ZNF283: variants seen among roughly 807,000 people sequenced by gnomAD.
The protein encoded by ZNF283 is zinc finger protein 41.
In ZNF283, 10 loss-of-function variants were observed where a neutral mutation model predicts 9.2. That is an observed-to-expected ratio of 1.09 (90% confidence interval 0.67 to 1.85). The LOEUF is 1.85. Among genes scored for constraint, ZNF283 ranks in the 40% most tolerant of loss-of-function variants. The pLI is 0.00. For missense variants in ZNF283, 631 were observed against 760.1 expected, an observed-to-expected ratio of 0.83 and a Z score of 2.00; for synonymous variants, 234 against 244.1, an observed-to-expected ratio of 0.96 and a Z score of 0.38.
intron 5 of ZNF283, among the ~76,000 whole-genome samples, 165 bp downstream of exon 5, chr19:43,835,757 C>T (rs2146545972): frequency 6.6e-6 from 1 of 152,172 alleles, no homozygotes; most frequent in South Asian, 2.1e-4. Flanking sequence ...TGTGAAGCTG[C>T]ATGTGTTGGG....
chr19:43,844,064 G>A (rs1016522249), intron 6 of ZNF283, among the ~76,000 whole-genome samples: 2 of 152,046 alleles, frequency 1.3e-5, no homozygotes, highest in African/African-American at 4.8e-5. Context: ...CCATTTAAAA[G>A]ATTTGAAAAA....
chr19:43,840,880 T>C (rs992665169), intron 6 of ZNF283: 1 of 152,288 alleles, frequency 6.6e-6, no homozygotes, highest in African/African-American at 2.4e-5. Flanking sequence ...TTTTTTTATT[T>C]TTTAGTAGAG....
chr19:43,838,709 G>T (rs559808317), intron 6 of ZNF283, among the ~76,000 whole-genome samples: 1 of 151,864 alleles, frequency 6.6e-6, no homozygotes, highest in Non-Finnish European at 1.5e-5. Flanking sequence ...GCTATATTCT[G>T]TTTTTTTTCT....
intron 5 of ZNF283, among the ~76,000 whole-genome samples, chr19:43,836,024 A>C (rs1970964842): frequency 6.6e-6 from 1 of 152,218 alleles, no homozygotes; most frequent in Non-Finnish European, 1.5e-5. Flanking sequence ...GTGAAGTACT[A>C]AGCGAGGGGT....
chr19:43,844,263 A>G (rs1032219218), intron 6 of ZNF283, among the ~76,000 whole-genome samples: 3 of 132,632 alleles, frequency 2.3e-5, no homozygotes, highest in African/African-American at 8.6e-5. Context: ...TGGGTCCTCA[A>G]TGATTTTTCT....
At chr19:43,835,437 C>G in intron 4 of ZNF283, 68 bp from the exon 5 acceptor site, 1 of 997,144 alleles carries the variant, frequency 1.0e-6, no homozygotes, top group Non-Finnish European at 1.6e-6. Context: ...ATAAGATCTT[C>G]TATTAGTGTA....
chr19:43,835,393 C>T lies in ZNF283; in HGVS notation c.123-112C>T, dbSNP rs188523164. 623 of 710,928 alleles carry T rather than the reference C, an allele frequency of 8.8e-4. No individual in the cohort carries two copies. The African/African-American group carries it at 0.01, about 11-fold the overall frequency. The allele number at this position is 710,928 out of a possible 1,614,324, so 44.0% of individuals were successfully genotyped here. ...GAAAGTTTGAATTCCATAAATGGTG[C>T]GTGGGGTGTGTAGCAGAAGCAGGCA... On this transcript the variant is annotated intron_variant, in intron 4 of 6. Transcript: ENST00000618787.
Position 43,848,197 on chromosome 19 carries a change from A to G in ZNF283, c.1596A>G (p.Gln532=), listed in dbSNP as rs755392483. The change falls in exon 7 of 7, where the codon CAA becomes CAG. Residue 532 remains glutamine (Q), a synonymous_variant. Coordinates refer to ENST00000618787, the MANE Select transcript of ZNF283 (RefSeq NM_181845.2). ...KAFNCGSSLV[Q]HERIHTGEKP... ...TTAATTGTGGATCAAGCCTTGTTCA[A>G]CATGAAAGAATCCATACAGGGGAGA... 11 of 1,613,716 alleles carry G rather than the reference A, an allele frequency of 6.8e-6. No individual in the cohort carries two copies. Among genetic ancestry groups the G allele is most frequent in the South Asian group, 3.3e-5 (3 of 91,064 alleles).
intron 3 of ZNF283, among the ~76,000 whole-genome samples, chr19:43,833,195 C>G (rs749574319): frequency 4.6e-5 from 7 of 152,182 alleles, no homozygotes; most frequent in Non-Finnish European, 7.4e-5. Context: ...AGCTCAAATT[C>G]ACATCCTAAA....
In ZNF283 at chr19:43,847,928, G is replaced by A; in HGVS notation, c.1327G>A (p.Gly443Ser). The change falls in exon 7 of 7, where the codon GGC (glycine) becomes AGC (serine). Residue 443 changes from glycine to serine, a missense_variant. Gly to Ser is a moderately conservative substitution (Grantham distance 56). Coordinates refer to ENST00000618787, the MANE Select transcript of ZNF283 (RefSeq NM_181845.2). Reference protein sequence around the residue: ...CKECGKAFSRGYHLSQHQKIH... With the variant: ...CKECGKAFSRSYHLSQHQKIH... ...AGAATGTGGAAAGGCCTTTAGTCGTGGCTATCACCTTTCTCAACATCAGAA... is the reference window on the plus strand; with the variant it reads ...AGAATGTGGAAAGGCCTTTAGTCGTAGCTATCACCTTTCTCAACATCAGAA... 1 of 1,613,622 alleles carries A rather than the reference G, an allele frequency of 6.2e-7. No homozygotes were observed. Among genetic ancestry groups the A allele is most frequent in the Non-Finnish European group, 8.5e-7 (1 of 1,179,862 alleles).
At chr19:43,841,018 TC>T (rs2146564150) in intron 6 of ZNF283, 2 of 152,260 alleles carry the variant, frequency 1.3e-5, no homozygotes, top group African/African-American at 4.8e-5. Context: ...AATCTGTCTT[TC>T]CAGCTCAATT....
chr19:43,848,772 T>C lies in ZNF283; in HGVS notation c.*131T>C, dbSNP rs939899448. The C allele has an allele frequency of 2.4e-5, 21 of 867,124 alleles. No homozygotes were observed. The highest frequency in any genetic ancestry group is 3.3e-5 in the Non-Finnish European group (20 of 600,956). 53.7% of individuals were successfully genotyped at this position (867,124 alleles called of 1,614,324 possible). ...ATTCATTTCTGTTTATGGGCAATTA[T>C]CTTGCTATCCAGCAATTCATACTAG... On this transcript the variant is annotated 3_prime_UTR_variant, in exon 7 of 7. Transcript: ENST00000618787.
intron 6 of ZNF283, among the ~76,000 whole-genome samples, chr19:43,843,597 T>C (rs4511643): frequency 0.4 from 61,551 of 152,072 alleles, 12,878 homozygotes; most frequent in South Asian, 0.55. Flanking sequence ...TAAGATTTTT[T>C]ATGAGATGGG....
chr19:43,837,311 T>C (rs1971023940), intron 6 of ZNF283, 132 bp downstream of exon 6: 2 of 929,542 alleles, frequency 2.2e-6, no homozygotes, highest in Non-Finnish European at 3.1e-6. Flanking sequence ...CATGCTTTTA[T>C]ACTTGCTGGG....
Position 43,848,634 on chromosome 19 carries a change from C to T in ZNF283, c.2033C>T (p.Thr678Ile), listed in dbSNP as rs750923159. The part of the protein sequence containing the change: ...YSNEKIDTDE[T>I]L ...AATGAGAAAATTGATACTGATGAAA[C>T]CTTATGATTGAAAGTTGTAAAAGAA... The change falls in exon 7 of 7, where the codon ACC (threonine) becomes ATC (isoleucine). Residue 678 changes from threonine (T) to isoleucine (I), a missense_variant. Physicochemically the swap from Thr to Ile is moderately conservative, Grantham distance 89 (BLOSUM62 -1). This residue lies in a region of ZNF283 where 444 missense variants were observed against 522.5 expected (regional missense o/e 0.85). Transcript: ENST00000618787. The T allele has an allele frequency of 1.3e-6, 2 of 1,544,892 alleles. No homozygotes were observed. The highest frequency in any genetic ancestry group is 1.3e-5 in the South Asian group (1 of 78,346).
intron 2 of ZNF283, among the ~76,000 whole-genome samples, chr19:43,828,535 G>A (rs1970568564): frequency 6.6e-6 from 1 of 151,170 alleles, no homozygotes; most frequent in Non-Finnish European, 1.5e-5. Flanking sequence ...GTTATAGAAA[G>A]GCACCTCTTG....
intron 4 of ZNF283, 54 bp from the exon 5 acceptor site, chr19:43,835,451 C>T: frequency 8.6e-7 from 1 of 1,158,754 alleles, no homozygotes; most frequent in Non-Finnish European, 1.3e-6. Context: ...TAGTGTAAGT[C>T]AGGATGGGAT....
intron 4 of ZNF283, among the ~76,000 whole-genome samples, 181 bp from the exon 5 acceptor site, chr19:43,835,324 A>G (rs1256747364): frequency 3.9e-5 from 6 of 152,182 alleles, no homozygotes; most frequent in Non-Finnish European, 7.4e-5. Context: ...TCAGAACCAG[A>G]CACTGCCAGA....
chr19:43,843,210 A>G (rs986021910), intron 6 of ZNF283, among the ~76,000 whole-genome samples: 4 of 152,124 alleles, frequency 2.6e-5, no homozygotes, highest in Non-Finnish European at 5.9e-5. Flanking sequence ...GCATGGTGGC[A>G]CGCGCCTGTA....
Sources: gnomAD v4.1 joint callset for allele counts (sites outside exome capture counted in the v4.1 genomes callset) on GRCh38, gnomAD v4.1.1 for gene constraint, gnomAD v4.1.1 regional missense constraint, MANE v1.5 for transcripts, NCBI Gene and HGNC (gene_info 2026-07-23, HGNC 2026-07-21) for gene names.